Variants in TRPM1 observed in about 807,000 individuals in gnomAD.
TRPM1 encodes the protein transient receptor potential cation channel subfamily M member 1.
TRPM1 carries 113 observed loss-of-function variants against 149.4 expected under a neutral mutation model. That is an observed-to-expected ratio of 0.76 (90% CI 0.65 to 0.88). The LOEUF (loss-of-function observed/expected upper bound fraction) is 0.88. TRPM1 is among the 40% of genes least tolerant of loss of function. TRPM1 has a pLI of 0.00. For missense variants in TRPM1, 1,976 were observed against 2,038.7 expected, an observed-to-expected ratio of 0.97 and a Z score of 0.59; for synonymous variants, 741 against 759.5, an observed-to-expected ratio of 0.98 and a Z score of 0.40.
intron 3 of TRPM1, 37 bp downstream of exon 3, chr15:31,076,868 G>A (rs1161478142): frequency 6.8e-7 from 1 of 1,467,608 alleles, no homozygotes; most frequent in Admixed American, 1.7e-5. Flanking sequence ...GACAAGCACT[G>A]GTTTGGATAA....
intron 27 of TRPM1, among the ~76,000 whole-genome samples, chr15:31,012,021 C>A (rs1358780596): frequency 6.6e-6 from 1 of 152,104 alleles, no homozygotes; most frequent in Non-Finnish European, 1.5e-5. Flanking sequence ...GCTCCATCCT[C>A]CCCCCATGTT....
intron 1 of TRPM1, among the ~76,000 whole-genome samples, chr15:31,145,348 C>G (rs891184034): frequency 6.6e-6 from 1 of 152,164 alleles, no homozygotes; most frequent in African/African-American, 2.4e-5. Flanking sequence ...ATGACTCTTA[C>G]CCCTTTTAAT....
At chr15:31,103,178 C>G (rs3826030), upstream of TRPM1, among the ~76,000 whole-genome samples, 55,068 of 152,084 alleles carry the variant, frequency 0.36, 10,737 homozygotes, top group East Asian at 0.8. Flanking sequence ...GCAGTGGGCC[C>G]TTCACTAGAC....
chr15:31,149,688 T>C (rs924869120), intron 1 of TRPM1, among the ~76,000 whole-genome samples: 1 of 151,918 alleles, frequency 6.6e-6, no homozygotes, highest in Non-Finnish European at 1.5e-5. Flanking sequence ...CCTGGCTAAT[T>C]TTTTGTATTT....
chr15:31,095,676 C>T (rs2141007903), intron 1 of TRPM1, among the ~76,000 whole-genome samples: 1 of 151,202 alleles, frequency 6.6e-6, no homozygotes, highest in East Asian at 2.0e-4. Flanking sequence ...CAGAGTGAGA[C>T]TCCATTTGAA....
At chr15:31,160,978 G>A in exon 1 of TRPM1, 2 of 1,535,430 alleles carry the variant, frequency 1.3e-6, no homozygotes, top group South Asian at 1.2e-5. Context: ...GTGAGCCTGT[G>A]AGCCACCCTG....
At chr15:31,007,589 C>T (rs2032035835) in intron 27 of TRPM1, among the ~76,000 whole-genome samples, 4 of 152,084 alleles carry the variant, frequency 2.6e-5, no homozygotes, top group Admixed American at 2.0e-4. Context: ...ATTGCTTGAG[C>T]TCAGGAGTTT....
chr15:31,011,751 G>A (rs1474972674), intron 27 of TRPM1, among the ~76,000 whole-genome samples: 1 of 149,438 alleles, frequency 6.7e-6, no homozygotes, highest in African/African-American at 2.5e-5. Flanking sequence ...TGCAACCTCT[G>A]CCTCCTAGGT....
chr15:31,034,450 G>A (rs2033251365), intron 21 of TRPM1, among the ~76,000 whole-genome samples: 1 of 152,192 alleles, frequency 6.6e-6, no homozygotes, highest in African/African-American at 2.4e-5. Context: ...CCCCTTCTGG[G>A]AGGCTTGCTC....
chr15:31,146,018 C>T (rs754962733), intron 1 of TRPM1, among the ~76,000 whole-genome samples: 16 of 152,060 alleles, frequency 1.1e-4, no homozygotes, highest in Non-Finnish European at 1.9e-4. Context: ...GGGCCTCATT[C>T]AAAGCTGTCC....
At chr15:31,017,874 T>C (rs559387170) in intron 27 of TRPM1, among the ~76,000 whole-genome samples, 1 of 152,218 alleles carries the variant, frequency 6.6e-6, no homozygotes, top group Non-Finnish European at 1.5e-5. Flanking sequence ...ATGTATGGCA[T>C]AACTTTATTG....
Position 31,038,584 on chromosome 15 carries a change from C to T in TRPM1, c.2317-418G>A, listed in dbSNP as rs1012140476. 5.9e-5 allele frequency among the ~76,000 whole-genome samples: 9 copies of T among 152,088 alleles called. 1 individual carries two copies. The South Asian group carries it at 8.3e-4, about 14-fold the overall frequency. On this transcript the variant is annotated intron_variant, in intron 18 of 27. Coordinates refer to ENST00000256552, the MANE Select transcript of TRPM1 (RefSeq NM_001252024.2). ...AAAATTAACTGGGCATGGTGGTGCA[C>T]GTCTGTAATACCAGCTACTTGGGAG...
chr15:31,149,407 T>C (rs961856033), intron 1 of TRPM1, among the ~76,000 whole-genome samples: 7 of 152,184 alleles, frequency 4.6e-5, no homozygotes, highest in Non-Finnish European at 8.8e-5. Flanking sequence ...GGGCTCTGTT[T>C]AATGCAGCAT....
rs1487269671 is a variant in TRPM1, at chr15:31,047,886, G to C, written c.1623+3C>G. 6.2e-7 allele frequency: 1 copy of C among 1,611,642 alleles called. No homozygotes were observed. Among genetic ancestry groups the C allele is most frequent in the East Asian group, 2.2e-5 (1 of 44,868 alleles). ...GGTAAGAATTGTAAAACAGTAGACT[G>C]ACCTTTTTCACATCCCTCACCAGCA... On this transcript the variant is annotated splice_donor_region_variant and intron_variant, in intron 14 of 27. Coordinates refer to ENST00000256552, the MANE Select transcript of TRPM1 (RefSeq NM_001252024.2).
intron 19 of TRPM1, 67 bp from the exon 20 acceptor site, chr15:31,037,909 A>G (rs1295176134): frequency 6.2e-7 from 1 of 1,613,178 alleles, no homozygotes; most frequent in African/African-American, 1.3e-5. Flanking sequence ...ACTCCGGCAC[A>G]CAGGCACCAT....
Position 31,002,145 on chromosome 15 carries a change from C to T in TRPM1, c.4555G>A (p.Glu1519Lys). The change falls in exon 28 of 28, where the codon GAG (glutamate) becomes AAG (lysine). Residue 1519 changes from glutamate to lysine, a missense_variant. Glu to Lys is a moderately conservative substitution (Grantham distance 56, BLOSUM62 1). Transcript: ENST00000256552. Reference sequence around the variant, plus strand: ...ATATCTGCAAACTGCTCTTTATGCTCAGCTTGCACTGCAGCTTCCGACACA... The same window carrying T: ...ATATCTGCAAACTGCTCTTTATGCTTAGCTTGCACTGCAGCTTCCGACACA... ...YIVSEAAVQA[E>K]HKEQFADMQD... The T allele has an allele frequency of 6.2e-7, 1 of 1,614,228 alleles. No homozygotes were observed. Among genetic ancestry groups the T allele is most frequent in the Non-Finnish European group, 8.5e-7 (1 of 1,180,054 alleles).
At chr15:31,081,312 G>T in intron 2 of TRPM1, 41 bp downstream of exon 2, 3 of 1,147,522 alleles carry the variant, frequency 2.6e-6, no homozygotes, top group Non-Finnish European at 3.8e-6. Flanking sequence ...TTCTCAGGGG[G>T]GGAGGGGGGG....
intron 7 of TRPM1, 142 bp downstream of exon 7, chr15:31,065,934 T>A: frequency 2.0e-6 from 2 of 1,010,408 alleles, no homozygotes; most frequent in Non-Finnish European, 3.0e-6. Flanking sequence ...AGGTAAGACA[T>A]CTAGGTGAGT....
intron 5 of TRPM1, among the ~76,000 whole-genome samples, chr15:31,067,413 A>T (rs1356885748): frequency 6.6e-6 from 1 of 152,196 alleles, no homozygotes; most frequent in Admixed American, 6.5e-5. Context: ...AAACCAAAGC[A>T]ACTGTGTAGG....
Sources: gnomAD v4.1 joint callset for allele counts (sites outside exome capture counted in the v4.1 genomes callset) on GRCh38, gnomAD v4.1.1 for gene constraint, MANE v1.5 for transcripts, NCBI Gene and HGNC (gene_info 2026-07-23, HGNC 2026-07-21) for gene names.